Variants in KCNMA1 observed in about 807,000 individuals in gnomAD.
The protein encoded by KCNMA1 is Calcium-activated potassium channel subunit alpha-1.
In KCNMA1, 29 loss-of-function variants were observed where a neutral mutation model predicts 140.0. That is an observed-to-expected ratio of 0.21 (90% confidence interval 0.15 to 0.28). KCNMA1 has a LOEUF of 0.28. KCNMA1 is among the 10% of genes least tolerant of loss of function. KCNMA1 has a pLI of 1.00. For synonymous variants in KCNMA1, 612 were observed against 611.9 expected, an observed-to-expected ratio of 1.00 and a Z score of 0.00; for missense variants, 880 against 1,602.2, an observed-to-expected ratio of 0.55 and a Z score of 7.70.
intron 2 of KCNMA1, among the ~76,000 whole-genome samples, chr10:77,301,700 G>T (rs7895108): frequency 0.25 from 37,136 of 151,476 alleles, 5,851 homozygotes; most frequent in Non-Finnish European, 0.36. Flanking sequence ...TTCAATTGAC[G>T]CCCCGGAGGT....
chr10:77,022,355 T>A (rs2092955147), intron 16 of KCNMA1, among the ~76,000 whole-genome samples: 2 of 152,172 alleles, frequency 1.3e-5, no homozygotes, highest in South Asian at 4.1e-4. Context: ...AACAAGGACA[T>A]GTTGGCAGAG....
At chr10:77,154,822 A>G (rs1228490626) in intron 5 of KCNMA1, among the ~76,000 whole-genome samples, 2 of 152,230 alleles carry the variant, frequency 1.3e-5, no homozygotes, top group Non-Finnish European at 2.9e-5. Flanking sequence ...CAACTAAACA[A>G]TGAAGCAAAC....
chr10:77,254,805 G>A (rs1008215447), intron 2 of KCNMA1, among the ~76,000 whole-genome samples: 1 of 152,160 alleles, frequency 6.6e-6, no homozygotes, highest in African/African-American at 2.4e-5. Flanking sequence ...TAGTTTCAGG[G>A]ACAAGGAGGA....
At chr10:77,557,999 C>G (rs1176680203) in intron 1 of KCNMA1, among the ~76,000 whole-genome samples, 1 of 152,120 alleles carries the variant, frequency 6.6e-6, no homozygotes, top group Non-Finnish European at 1.5e-5. Flanking sequence ...ATTTGGTATA[C>G]ATATTCTAAG....
intron 2 of KCNMA1, among the ~76,000 whole-genome samples, chr10:77,362,151 G>A (rs887633473): frequency 3.3e-5 from 5 of 152,116 alleles, no homozygotes; most frequent in Non-Finnish European, 7.4e-5. Flanking sequence ...GCTGGAGGAG[G>A]GCAGGCTGGC....
intron 23 of KCNMA1, among the ~76,000 whole-genome samples, chr10:76,938,467 T>C (rs2061141221): frequency 6.6e-6 from 1 of 152,204 alleles, no homozygotes; most frequent in Non-Finnish European, 1.5e-5. Context: ...TCCATCTGGA[T>C]AGCCACAGTT....
At chr10:77,419,524 G>A (rs1489483254) in intron 1 of KCNMA1, among the ~76,000 whole-genome samples, 1 of 152,188 alleles carries the variant, frequency 6.6e-6, no homozygotes, top group Non-Finnish European at 1.5e-5. Context: ...TTGAACTTGA[G>A]ACGTCAAAGG....
At chr10:77,505,494 T>C (rs535528269) in intron 1 of KCNMA1, among the ~76,000 whole-genome samples, 6 of 152,354 alleles carry the variant, frequency 3.9e-5, no homozygotes, top group South Asian at 2.1e-4. Flanking sequence ...GAAGCTTTGG[T>C]TGGGGGGAAG....
chr10:77,252,525 T>TTGTCTG (rs1555076643), intron 2 of KCNMA1, among the ~76,000 whole-genome samples: 2 of 145,728 alleles, frequency 1.4e-5, no homozygotes, highest in Non-Finnish European at 3.0e-5. Context: ...TGATCAAGCT[T>TTGTCTG]TGTGTGTGTG....
intron 14 of KCNMA1, among the ~76,000 whole-genome samples, chr10:77,054,509 G>A (rs551015825): frequency 1.2e-4 from 19 of 152,222 alleles, no homozygotes; most frequent in Non-Finnish European, 2.6e-4. Flanking sequence ...AGTGGGCAGA[G>A]ATACCCTATC....
intron 15 of KCNMA1, among the ~76,000 whole-genome samples, chr10:77,034,243 CAAA>C (rs1187442257): frequency 1.4e-5 from 1 of 71,580 alleles, no homozygotes; most frequent in Admixed American, 1.6e-4. Flanking sequence ...GACTCCATCT[CAAA>C]AAAAAAAAAA....
intron 1 of KCNMA1, among the ~76,000 whole-genome samples, chr10:77,509,398 G>A (rs181871183): frequency 6.6e-5 from 10 of 152,254 alleles, no homozygotes; most frequent in South Asian, 2.1e-4. Flanking sequence ...GATTATAGGC[G>A]TGAGCCACCA....
intron 1 of KCNMA1, chr10:77,635,311 A>AC: frequency 6.6e-6 from 1 of 152,128 alleles, no homozygotes; most frequent in Non-Finnish European, 1.5e-5. Context: ...TGTGTTTAGG[A>AC]CCCCAGGTTC....
intron 2 of KCNMA1, among the ~76,000 whole-genome samples, chr10:77,353,014 A>G (rs2093077653): frequency 6.6e-6 from 1 of 152,242 alleles, no homozygotes; most frequent in African/African-American, 2.4e-5. Flanking sequence ...CTGAATGCAA[A>G]ATTAGAACTT....
At chr10:77,021,740 G>C (rs981720331) in intron 16 of KCNMA1, among the ~76,000 whole-genome samples, 1 of 152,154 alleles carries the variant, frequency 6.6e-6, no homozygotes, top group African/African-American at 2.4e-5. Context: ...CAGGGGTGAG[G>C]GGGTTTAAAT....
chr10:77,308,472 A>C (rs773858606), intron 2 of KCNMA1, among the ~76,000 whole-genome samples: 29 of 152,178 alleles, frequency 1.9e-4, no homozygotes, highest in Non-Finnish European at 3.7e-4. Flanking sequence ...CTCAAACATT[A>C]GATGGGCTTA....
At chr10:77,014,808 C>T (rs1270811276) in intron 17 of KCNMA1, among the ~76,000 whole-genome samples, 1 of 152,208 alleles carries the variant, frequency 6.6e-6, no homozygotes, top group Non-Finnish European at 1.5e-5. Context: ...CTCAGCTGAC[C>T]TCTGCCAAGT....
rs188620410 is a variant in KCNMA1, at chr10:76,968,944, T to A, written c.2360+1030A>T. ...GAGTGGAAATCACCACTATTCTATT[T>A]CAAAAATCAAAGCCGGTGGCCATGA... On this transcript the variant is annotated intron_variant, in intron 20 of 27. Coordinates refer to ENST00000286628, the MANE Select transcript of KCNMA1 (RefSeq NM_001161352.2). Among the ~76,000 whole-genome samples, 342 of 152,272 alleles carry A rather than the reference T, an allele frequency of 2.2e-3. 3 individuals carry two copies. The Middle Eastern group carries it at 0.034, about 15-fold the overall frequency.
chr10:77,144,899 G>A (rs938855119), intron 5 of KCNMA1, among the ~76,000 whole-genome samples: 6 of 152,250 alleles, frequency 3.9e-5, no homozygotes, highest in Non-Finnish European at 8.8e-5. Flanking sequence ...CCTCATCTCC[G>A]AAATAGGGAT....
Sources: allele counts gnomAD v4.1 joint callset (sites outside exome capture counted in the v4.1 genomes callset), GRCh38; gene constraint gnomAD v4.1.1; transcripts MANE v1.5; gene names NCBI Gene and HGNC (gene_info 2026-07-23, HGNC 2026-07-21).